Variants in CYP19A1 observed in about 807,000 individuals in gnomAD.
The protein encoded by CYP19A1 is cytochrome P450 family 19 subfamily A member 1.
CYP19A1 carries 32 observed loss-of-function variants against 44.4 expected under a neutral mutation model. The observed-to-expected ratio is 0.72, with a 90% CI of 0.54 to 0.97. The LOEUF (loss-of-function observed/expected upper bound fraction) is 0.97, where lower values mean the gene tolerates loss of function less well. CYP19A1 is among the 50% of genes least tolerant of loss of function. CYP19A1 has a pLI of 0.00. For missense variants in CYP19A1, 598 were observed against 637.8 expected, an observed-to-expected ratio of 0.94 and a Z score of 0.67; for synonymous variants, 212 against 215.6, an observed-to-expected ratio of 0.98 and a Z score of 0.14.
At chr15:51,292,945 G>A (rs1346579691) in intron 1 of CYP19A1, among the ~76,000 whole-genome samples, 1 of 151,940 alleles carries the variant, frequency 6.6e-6, no homozygotes, top group Non-Finnish European at 1.5e-5. Flanking sequence ...GGGAGAATAT[G>A]GATTGAGTGC....
rs57921193 is a variant in CYP19A1, at chr15:51,227,672, C to CAATAAATAAATA, written c.451+95_451+106dup. The CAATAAATAAATA allele has an allele frequency of 0.011, 2,782 of 255,770 alleles. 43 individuals carry two copies. The highest frequency in any genetic ancestry group is 0.014 in the Non-Finnish European group (1,958 of 139,442). 15.8% of individuals were successfully genotyped at this position (255,770 alleles called of 1,614,324 possible). A position where few individuals can be genotyped will look rare whatever the true frequency, so the allele number is the denominator to read the frequency against. ...TGGGTGATAGAGTCAGAGCCTGTCT[C>CAATAAATAAATA]AATAAATAAATAAATAAATAAATAA... is the stretch of plus-strand genomic sequence containing the variant. On this transcript the variant is annotated intron_variant, in intron 4 of 9. Coordinates refer to ENST00000396402, the MANE Select transcript of CYP19A1 (RefSeq NM_000103.4).
intron 1 of CYP19A1, among the ~76,000 whole-genome samples, chr15:51,319,497 C>G (rs2036489668): frequency 6.6e-6 from 1 of 152,152 alleles, no homozygotes; most frequent in Non-Finnish European, 1.5e-5. Context: ...CTGACCAGAG[C>G]CTGTCACTGC....
chr15:51,212,983 G>T (rs2031179031), intron 8 of CYP19A1, among the ~76,000 whole-genome samples: 1 of 152,096 alleles, frequency 6.6e-6, no homozygotes, highest in Non-Finnish European at 1.5e-5. Flanking sequence ...TTGAGTTTTT[G>T]TTCCCTACTC....
chr15:51,316,309 C>T (rs117817961), intron 1 of CYP19A1, among the ~76,000 whole-genome samples: 3,367 of 150,936 alleles, frequency 0.022, 59 homozygotes, highest in Non-Finnish European at 0.031. Flanking sequence ...GGCAACATAG[C>T]GAGATCCTGT....
chr15:51,322,364 G>A (rs1278500519), intron 1 of CYP19A1, among the ~76,000 whole-genome samples: 2 of 152,264 alleles, frequency 1.3e-5, no homozygotes, highest in Non-Finnish European at 2.9e-5. Flanking sequence ...GGAAGTGCAA[G>A]TGACAATTAA....
chr15:51,309,843 A>G (rs1293661426), intron 1 of CYP19A1, among the ~76,000 whole-genome samples: 1 of 152,084 alleles, frequency 6.6e-6, no homozygotes, highest in Admixed American at 6.6e-5. Flanking sequence ...TTTTACTGAA[A>G]ATCCCTTTAT....
chr15:51,297,876 C>T (rs1288129811), intron 1 of CYP19A1, among the ~76,000 whole-genome samples: 1 of 100,950 alleles, frequency 9.9e-6, no homozygotes, highest in African/African-American at 4.2e-5. Flanking sequence ...ACACCCTAGG[C>T]CTGATGGGGG....
At position 51,210,828 on chromosome 15, in the gene CYP19A1, C is replaced by T. The variant is rs1239110906; in HGVS notation, c.1492G>A (p.Asp498Asn). 17 of 1,596,590 alleles carry T rather than the reference C, an allele frequency of 1.1e-5. No individual in the cohort carries two copies. Among genetic ancestry groups the T allele is most frequent in the Middle Eastern group, 1.7e-4 (1 of 6,036 alleles). ...LEMIFTPRNSDRCLEH is the reference protein window; with the variant it reads ...LEMIFTPRNSNRCLEH ...CTTCTCTAGTGTTCCAGACACCTGT[C>T]TGAGTTTCTTGGGGTAAAGATCATT... Residue 498 changes from aspartate (D) to asparagine (N), a missense_variant, in exon 10 of 10, where the codon GAC becomes AAC. Asp to Asn is a conservative substitution (Grantham distance 23). Coordinates refer to ENST00000396402, the MANE Select transcript of CYP19A1 (RefSeq NM_000103.4).
chr15:51,248,868 T>A (rs908930126), intron 1 of CYP19A1, among the ~76,000 whole-genome samples: 2 of 152,048 alleles, frequency 1.3e-5, no homozygotes, highest in Admixed American at 6.5e-5. Flanking sequence ...TCAGCTTACA[T>A]CACGTCAATC....
rs28757083 is a variant in CYP19A1 at position 51,323,366 on chromosome 15, A to G, written c.-39+15129T>C. On this transcript the variant is annotated intron_variant, in intron 1 of 9. Transcript: ENST00000396402. ...TGCAGATGTCCTATAGAAGGAAAAA[A>G]TCAACTAAGCTTCCGAAGAAAGTAA... Among the ~76,000 whole-genome samples, 2,449 of 152,316 alleles carry G rather than the reference A, an allele frequency of 0.016. 195 individuals are homozygous for G. In the East Asian group the frequency reaches 0.25, roughly 16 times the overall value.
At chr15:51,304,199 G>C (rs1160778523) in intron 1 of CYP19A1, among the ~76,000 whole-genome samples, 1 of 152,154 alleles carries the variant, frequency 6.6e-6, no homozygotes, top group Non-Finnish European at 1.5e-5. Flanking sequence ...TGGGTTGGAA[G>C]GTATACTGAG....
At chr15:51,215,673 A>T (rs1361048186) in intron 7 of CYP19A1, 30 bp downstream of exon 7, 1 of 1,613,800 alleles carries the variant, frequency 6.2e-7, no homozygotes, top group Non-Finnish European at 8.5e-7. Context: ...CATATGTGGC[A>T]TGGGAATTAC....
intron 1 of CYP19A1, among the ~76,000 whole-genome samples, chr15:51,325,646 T>C (rs565904116): frequency 2.8e-4 from 42 of 152,176 alleles, no homozygotes; most frequent in Middle Eastern, 3.4e-3. Context: ...AAGACCATCC[T>C]GGCTAACACG....
At chr15:51,226,272 G>C (rs2032570522) in intron 4 of CYP19A1, among the ~76,000 whole-genome samples, 1 of 152,126 alleles carries the variant, frequency 6.6e-6, no homozygotes, top group Non-Finnish European at 1.5e-5. Context: ...CTGGCCTCTA[G>C]AGCTGGAAAA....
chr15:51,271,531 T>C (rs945575172), intron 1 of CYP19A1, among the ~76,000 whole-genome samples: 1 of 152,208 alleles, frequency 6.6e-6, no homozygotes, highest in Admixed American at 6.5e-5. Flanking sequence ...GGGTGGACAA[T>C]TTACAAGATC....
chr15:51,278,429 C>T (rs2035403621), intron 1 of CYP19A1, among the ~76,000 whole-genome samples: 1 of 152,142 alleles, frequency 6.6e-6, no homozygotes, highest in Non-Finnish European at 1.5e-5. Flanking sequence ...ACTTTGGCTC[C>T]TCGTAGGGGG....
At chr15:51,212,124 C>T in intron 9 of CYP19A1, 196 bp downstream of exon 9, 1 of 625,716 alleles carries the variant, frequency 1.6e-6, no homozygotes, top group East Asian at 2.7e-5. Flanking sequence ...AGCTGGAGAC[C>T]CAACATCCTT....
chr15:51,293,894 T>C (rs1003888282), intron 1 of CYP19A1: 4 of 210,966 alleles, frequency 1.9e-5, no homozygotes, highest in African/African-American at 9.5e-5. Context: ...AGTGGCGTAA[T>C]CTCGGCTGGC....
intron 5 of CYP19A1, among the ~76,000 whole-genome samples, chr15:51,221,122 G>A (rs1441076467): frequency 1.3e-5 from 2 of 151,922 alleles, no homozygotes; most frequent in Admixed American, 6.6e-5. Flanking sequence ...TTCCTCTTGA[G>A]GCAATGTAAG....
Sources: allele counts gnomAD v4.1 joint callset (sites outside exome capture counted in the v4.1 genomes callset), GRCh38; gene constraint gnomAD v4.1.1; transcripts MANE v1.5; gene names NCBI Gene and HGNC (gene_info 2026-07-23, HGNC 2026-07-21).